Variants in SDK2 observed in about 807,000 individuals in gnomAD.
The protein encoded by SDK2 is sidekick cell adhesion molecule 2.
A neutral mutation model predicts 253.9 loss-of-function variants in SDK2; 105 were observed. That is an observed-to-expected ratio of 0.41 (90% confidence interval 0.35 to 0.49). SDK2 has a LOEUF of 0.49. Among genes scored for constraint, SDK2 ranks in the 20% least tolerant of loss-of-function variants. SDK2 has a pLI of 0.06. For synonymous variants in SDK2, 1,249 were observed against 1,234.9 expected, an observed-to-expected ratio of 1.01 and a Z score of -0.24; for missense variants, 2,608 against 3,003.0, an observed-to-expected ratio of 0.87 and a Z score of 3.07.
In SDK2 at chr17:73,431,976, C is replaced by A. The variant is rs1023820901; in HGVS notation, c.1313-307G>T. ...AGAAGGGGGCGCAGTTTCCTGATGA[C>A]GGTGAGCAGTAGCCCGGCACAGCCC... On this transcript the variant is annotated intron_variant, in intron 10 of 44. Transcript: ENST00000392650. The surrounding 1 kb of genome is among the most constrained non-coding windows in gnomAD (Gnocchi z 5.6). Among the ~76,000 whole-genome samples the A allele has an allele frequency of 1.3e-5, 2 of 152,246 alleles. No individual in the cohort carries two copies. Among genetic ancestry groups the A allele is most frequent in the South Asian group, 4.1e-4 (2 of 4,826 alleles).
chr17:73,577,211 G>C (rs1364405161), intron 1 of SDK2, among the ~76,000 whole-genome samples: 1 of 152,184 alleles, frequency 6.6e-6, no homozygotes, highest in Non-Finnish European at 1.5e-5. Flanking sequence ...TTCATCCACA[G>C]GTACTGTTAG....
In SDK2 at chr17:73,496,518, C is replaced by T. The variant is rs371819921; in HGVS notation, c.224+10920G>A. The stretch of plus-strand genomic sequence containing the variant: ...GTGCACGATGCGTTCTGCCCATTAG[C>T]GAAGGGAGTTAGTGAGAGAGGAGGC... On this transcript the variant is annotated intron_variant, in intron 2 of 44. Coordinates refer to ENST00000392650, the MANE Select transcript of SDK2 (RefSeq NM_001144952.2). This position sits in a 1 kb window ranked among gnomAD's most constrained non-coding sequence, Gnocchi z 4.7. 1.2e-4 allele frequency among the ~76,000 whole-genome samples: 19 copies of T among 152,202 alleles called. No individual in the cohort carries two copies. Among genetic ancestry groups the T allele is most frequent in the Non-Finnish European group, 1.6e-4 (11 of 68,010 alleles).
chr17:73,337,108 T>C lies in SDK2; in HGVS notation c.*1479A>G, dbSNP rs2062386521. ...AAAAGCATTCCCTCCCATCAGCTAT[T>C]CTTGTCACTTGGTCCCATCTGACCT... On this transcript the variant is annotated 3_prime_UTR_variant, in exon 45 of 45. Transcript: ENST00000392650. The C allele has an allele frequency of 1.3e-5, 2 of 151,780 alleles. No individual in the cohort carries two copies. Among genetic ancestry groups the C allele is most frequent in the African/African-American group, 4.9e-5 (2 of 41,218 alleles). The allele number at this position is 151,780 out of a possible 1,614,324, so 9.4% of individuals were successfully genotyped here.
rs780248259 is a variant in SDK2 at position 73,431,568 on chromosome 17, T to A, written c.1414A>T (p.Thr472Ser). The change falls in exon 11 of 45, where the codon ACC becomes TCC. Residue 472 changes from threonine (T) to serine (S), a missense_variant. Physicochemically the swap from Thr to Ser is moderately conservative, Grantham distance 58. Around this residue, in one of 2 missense-constraint regions of SDK2, gnomAD observed 1,505 missense variants for 1,859.1 expected, o/e 0.81. Coordinates refer to ENST00000392650, the MANE Select transcript of SDK2 (RefSeq NM_001144952.2). The surrounding 1 kb of genome is among the most constrained non-coding windows in gnomAD (Gnocchi z 5.6). ...ISPTHISDAG[T>S]YTCLATNSRG... ...GAGTTGGTGGCCAGGCAGGTGTAGG[T>A]CCCCGCATCGGAGATGTGTGTGGGG... 6.2e-7 allele frequency: 1 copy of A among 1,612,478 alleles called. No homozygotes were observed. Among genetic ancestry groups the A allele is most frequent in the Admixed American group, 1.7e-5 (1 of 59,882 alleles).
chr17:73,521,754 G>A lies in SDK2; in HGVS notation c.65-14157C>T, dbSNP rs549112487. ...CCAACTCCACATTTACAGACTGCTC[G>A]AGACAGAGTCAACACCTGTTTTCTG... On this transcript the variant is annotated intron_variant, in intron 1 of 44. Coordinates refer to ENST00000392650, the MANE Select transcript of SDK2 (RefSeq NM_001144952.2). Among the ~76,000 whole-genome samples, 5 of 143,184 alleles carry A rather than the reference G, an allele frequency of 3.5e-5. No homozygotes were observed. In the South Asian group the frequency reaches 7.1e-4, roughly 20 times the overall value. The allele number at this position is 143,184 out of a possible 152,430, so 93.9% of individuals were successfully genotyped here.
intron 5 of SDK2, among the ~76,000 whole-genome samples, chr17:73,445,698 T>TGGCAGGCAGGCA (rs35240393): frequency 7.3e-5 from 11 of 151,340 alleles, no homozygotes; most frequent in African/African-American, 4.8e-5. Context: ...ACAAATTGGT[T>TGGCAGGCAGGCA]GGCAGGCAGG....
At chr17:73,439,966 C>T (rs2063401350) in intron 6 of SDK2, among the ~76,000 whole-genome samples, 2 of 152,124 alleles carry the variant, frequency 1.3e-5, no homozygotes, top group Non-Finnish European at 2.9e-5. Context: ...GGATGCAGGG[C>T]ACGGAAGGCA....
chr17:73,620,283 G>A (rs1156486493), intron 1 of SDK2, among the ~76,000 whole-genome samples: 1 of 151,694 alleles, frequency 6.6e-6, no homozygotes, highest in Non-Finnish European at 1.5e-5. Flanking sequence ...TGAAAAGATG[G>A]TCAGCACCAT....
rs2045363900 is a variant in SDK2, at chr17:73,570,150, G to A, written c.65-62553C>T. On this transcript the variant is annotated intron_variant, in intron 1 of 44. Transcript: ENST00000392650. This position sits in a 1 kb window ranked among gnomAD's most constrained non-coding sequence, Gnocchi z 4.2. ...CCCCTCTTGGGGAGAGACTGGGACT[G>A]CTGAGCTTGGTGGACACAGGGCGAC... Among the ~76,000 whole-genome samples the A allele has an allele frequency of 6.6e-6, 1 of 152,118 alleles. No homozygotes were observed. The highest frequency in any genetic ancestry group is 2.1e-4 in the South Asian group (1 of 4,818).
Position 73,338,919 on chromosome 17 carries a change from C to A in SDK2, c.6187G>T (p.Val2063Phe), listed in dbSNP as rs758866229. 3 of 1,614,014 alleles carry A rather than the reference C, an allele frequency of 1.9e-6. No homozygotes were observed. The highest frequency in any genetic ancestry group is 2.5e-6 in the Non-Finnish European group (3 of 1,179,892). ...DSQGSDSEYE[V>F]DSNHQKAHSF... ...TGGGCCTTCTGGTGGTTTGAGTCGA[C>A]CTCGTACTCGCTGTCACTTCCCTGG... Residue 2063 changes from valine (V) to phenylalanine (F), a missense_variant, in exon 45 of 45, where the codon GTC (valine) becomes TTC (phenylalanine). Around this residue, in one of 2 missense-constraint regions of SDK2, gnomAD observed 1,103 missense variants for 1,143.9 expected, o/e 0.96. Coordinates refer to ENST00000392650, the MANE Select transcript of SDK2 (RefSeq NM_001144952.2). The surrounding 1 kb of genome is among the most constrained non-coding windows in gnomAD (Gnocchi z 5.0).
At chr17:73,449,713 G>C (rs1015831708) in intron 4 of SDK2, among the ~76,000 whole-genome samples, 1 of 151,314 alleles carries the variant, frequency 6.6e-6, no homozygotes, top group Non-Finnish European at 1.5e-5. Flanking sequence ...CTGAGGTCGG[G>C]GGTTCGAGAC....
intron 16 of SDK2, 98 bp from the exon 17 acceptor site, chr17:73,416,090 G>A (rs1324504385): frequency 1.1e-5 from 13 of 1,139,706 alleles, no homozygotes; most frequent in Admixed American, 2.2e-5. Context: ...TAGGACTTCC[G>A]GTGGTGGCGG....
At chr17:73,399,768 T>C (rs937447) in intron 21 of SDK2, among the ~76,000 whole-genome samples, 140,750 of 152,184 alleles carry the variant, frequency 0.92, 65,231 homozygotes, top group Non-Finnish European at 0.95. Context: ...GCTTATTTTC[T>C]GGCCAGGAAT....
intron 33 of SDK2, 103 bp from the exon 34 acceptor site, chr17:73,381,053 G>A: frequency 2.8e-6 from 2 of 716,812 alleles, no homozygotes. Context: ...CGGCCAGGCG[G>A]GGCTGACGGC....
chr17:73,571,848 G>A (rs56193537), intron 1 of SDK2, among the ~76,000 whole-genome samples: 54,752 of 152,054 alleles, frequency 0.36, 10,440 homozygotes, highest in African/African-American at 0.49. Context: ...CCAGCCTGCA[G>A]GGGCCCAGGG....
intron 1 of SDK2, among the ~76,000 whole-genome samples, chr17:73,623,706 C>T (rs1168456889): frequency 1.3e-5 from 2 of 152,170 alleles, no homozygotes; most frequent in Non-Finnish European, 1.5e-5. Flanking sequence ...AGCTCCACTG[C>T]ACCCCACCCC....
intron 10 of SDK2, among the ~76,000 whole-genome samples, chr17:73,432,178 G>A (rs1018812259): frequency 2.8e-4 from 43 of 152,210 alleles, no homozygotes; most frequent in African/African-American, 1.0e-3. Flanking sequence ...CTGTCCCCCA[G>A]CAGCAGCCCT....
At chr17:73,369,642 T>C (rs1442462300) in intron 36 of SDK2, among the ~76,000 whole-genome samples, 1 of 152,226 alleles carries the variant, frequency 6.6e-6, no homozygotes, top group Non-Finnish European at 1.5e-5. Context: ...ACACAACAGA[T>C]GCTCCCTGGT....
intron 37 of SDK2, among the ~76,000 whole-genome samples, chr17:73,366,516 CAT>C (rs2062686915): frequency 6.6e-6 from 1 of 152,160 alleles, no homozygotes; most frequent in Non-Finnish European, 1.5e-5. Context: ...TTAAAAGCCA[CAT>C]GTCACTGACA....
Sources: allele counts gnomAD v4.1 joint callset (sites outside exome capture counted in the v4.1 genomes callset), GRCh38; gene constraint gnomAD v4.1.1; regional missense constraint gnomAD v4.1.1; non-coding constraint Gnocchi (gnomAD v3.1); transcripts MANE v1.5; gene names NCBI Gene and HGNC (gene_info 2026-07-23, HGNC 2026-07-21).